Variants in MARCHF11 observed in about 807,000 individuals in gnomAD.
MARCHF11 encodes the protein E3 ubiquitin-protein ligase MARCHF11.
A neutral mutation model predicts 37.3 loss-of-function variants in MARCHF11; 29 were observed. The observed-to-expected ratio is 0.78, with a 90% confidence interval of 0.58 to 1.06. The LOEUF is 1.06. Ranked by LOEUF, MARCHF11 falls within the 50% of genes least tolerant of loss-of-function variation. The probability of loss-of-function intolerance (pLI) is 0.00; values close to 1 mark genes in which losing one functional copy is unlikely to be tolerated. For synonymous variants in MARCHF11, 233 were observed against 228.0 expected, an observed-to-expected ratio of 1.02 and a Z score of -0.20; for missense variants, 482 against 533.4, an observed-to-expected ratio of 0.90 and a Z score of 0.95.
At chr5:16,113,333 T>A (rs1012458491) in intron 2 of MARCHF11, among the ~76,000 whole-genome samples, 4 of 152,212 alleles carry the variant, frequency 2.6e-5, no homozygotes, top group Non-Finnish European at 4.4e-5. Context: ...TGTTCACTAT[T>A]TCAATAGTGT....
intron 2 of MARCHF11, among the ~76,000 whole-genome samples, chr5:16,173,861 A>G (rs138551568): frequency 8.7e-4 from 133 of 152,356 alleles, no homozygotes; most frequent in African/African-American, 2.9e-3. Context: ...TTCTCAAAAT[A>G]AGGTATAAGA....
At chr5:16,074,537 G>A (rs2126545054) in intron 3 of MARCHF11, among the ~76,000 whole-genome samples, 1 of 152,266 alleles carries the variant, frequency 6.6e-6, no homozygotes, top group East Asian at 1.9e-4. Context: ...TTCTACTGTT[G>A]ACTATAAATG....
At position 16,179,251 on chromosome 5, in the gene MARCHF11, G is replaced by A; in HGVS notation, c.325C>T (p.Leu109Phe). Residue 109 changes from leucine to phenylalanine, a missense_variant, in exon 1 of 4, where the codon CTC becomes TTC. Leu to Phe is a conservative substitution (Grantham distance 22). Transcript: ENST00000332432. Reference sequence around the variant, plus strand: ...CCTTTCGCTGCTGCCGCCTCCGGGAGGCGCCTCGGACCTTCCCCGGAGTCG... The same window carrying A: ...CCTTTCGCTGCTGCCGCCTCCGGGAAGCGCCTCGGACCTTCCCCGGAGTCG... ...AGDSGEGPRR[L>F]PEAAAAKGGP... The A allele has an allele frequency of 1.5e-6, 2 of 1,345,244 alleles. No individual in the cohort carries two copies. Among genetic ancestry groups the A allele is most frequent in the Non-Finnish European group, 1.9e-6 (2 of 1,047,580 alleles). 83.3% of individuals were successfully genotyped at this position (1,345,244 alleles called of 1,614,324 possible). A position where few individuals can be genotyped will look rare whatever the true frequency, so the allele number is the denominator to read the frequency against.
intron 3 of MARCHF11, among the ~76,000 whole-genome samples, chr5:16,088,611 T>C (rs866861613): frequency 6.6e-6 from 1 of 152,232 alleles, no homozygotes; most frequent in East Asian, 1.9e-4. Flanking sequence ...ATTGTTAGAC[T>C]AGGAGTATTT....
intron 2 of MARCHF11, among the ~76,000 whole-genome samples, chr5:16,162,651 T>G (rs959382836): frequency 6.6e-6 from 1 of 151,992 alleles, no homozygotes; most frequent in African/African-American, 2.4e-5. Flanking sequence ...GTTTGCAAGG[T>G]ATGAGCCTAA....
rs35858618 is a variant in MARCHF11, at chr5:16,104,914, A to AACACAC, written c.694-13839_694-13834dup. Among the ~76,000 whole-genome samples the AACACAC allele has an allele frequency of 5.3e-5, 8 of 149,658 alleles. No homozygotes were observed. The East Asian group carries it at 1.4e-3, about 26-fold the overall frequency. The stretch of plus-strand genomic sequence containing the variant: ...TAAGGTTATGGTAAGGACTAAAGGA[A>AACACAC]ACACACACACACACACACACACACA... On this transcript the variant is annotated intron_variant, in intron 2 of 3. Transcript: ENST00000332432.
At chr5:16,134,998 T>TCTCACACACACA (rs137865822) in intron 2 of MARCHF11, among the ~76,000 whole-genome samples, 129 of 143,800 alleles carry the variant, frequency 9.0e-4, no homozygotes, top group African/African-American at 2.9e-3. Flanking sequence ...TCTCTCTCTC[T>TCTCACACACACA]CACACACACA....
chr5:16,149,843 T>C (rs2126597095), intron 2 of MARCHF11, among the ~76,000 whole-genome samples: 1 of 152,204 alleles, frequency 6.6e-6, no homozygotes, highest in Admixed American at 6.5e-5. Context: ...AATGGAATAC[T>C]ACACAGCAAT....
At chr5:16,131,675 C>G (rs574380197) in intron 2 of MARCHF11, among the ~76,000 whole-genome samples, 1 of 152,152 alleles carries the variant, frequency 6.6e-6, no homozygotes, top group South Asian at 2.1e-4. Context: ...TCCTCTGATA[C>G]AATGACGAAG....
chr5:16,175,924 T>C (rs1273493145), intron 2 of MARCHF11, among the ~76,000 whole-genome samples: 1 of 152,200 alleles, frequency 6.6e-6, no homozygotes, highest in Non-Finnish European at 1.5e-5. Context: ...ATCCTAAATA[T>C]GCTAATAGTA....
intron 2 of MARCHF11, among the ~76,000 whole-genome samples, chr5:16,168,742 G>A (rs1396894045): frequency 6.6e-6 from 1 of 152,106 alleles, no homozygotes; most frequent in East Asian, 1.9e-4. Context: ...GTCAGATGAT[G>A]ATAGAAAAAG....
intron 2 of MARCHF11, among the ~76,000 whole-genome samples, chr5:16,110,608 G>A (rs958765825): frequency 6.6e-6 from 1 of 152,120 alleles, no homozygotes; most frequent in African/African-American, 2.4e-5. Context: ...TAGAGAAACT[G>A]AGGACAAAGG....
chr5:16,068,788 G>T (rs949427251), intron 3 of MARCHF11, among the ~76,000 whole-genome samples: 6 of 152,226 alleles, frequency 3.9e-5, no homozygotes, highest in Admixed American at 6.5e-5. Flanking sequence ...GGTCTCTCAG[G>T]TGAGGTGAAG....
intron 2 of MARCHF11, among the ~76,000 whole-genome samples, chr5:16,150,706 G>A (rs1477598200): frequency 1.3e-5 from 2 of 152,036 alleles, no homozygotes; most frequent in South Asian, 2.1e-4. Flanking sequence ...TCCCTATACC[G>A]AAGGCTTAGG....
At chr5:16,096,514 G>C (rs890091737) in intron 2 of MARCHF11, among the ~76,000 whole-genome samples, 1 of 152,200 alleles carries the variant, frequency 6.6e-6, no homozygotes, top group Non-Finnish European at 1.5e-5. Context: ...GGGTATCTTT[G>C]TGTGGGAGGT....
Position 16,085,319 on chromosome 5 carries a change from G to C in MARCHF11, c.886+5570C>G, listed in dbSNP as rs528686099. The stretch of plus-strand genomic sequence containing the variant: ...TCTTAGTGTTTACAGATTAGAGCTC[G>C]TCTATGTCCCTGCATGTCGCATCCC... On this transcript the variant is annotated intron_variant, in intron 3 of 3. Transcript: ENST00000332432. Among the ~76,000 whole-genome samples, 10 of 152,098 alleles carry C rather than the reference G, an allele frequency of 6.6e-5. No homozygotes were observed. The South Asian group carries it at 1.5e-3, about 22-fold the overall frequency.
intron 3 of MARCHF11, among the ~76,000 whole-genome samples, chr5:16,077,367 C>G (rs576155079): frequency 3.3e-5 from 5 of 151,438 alleles, no homozygotes; most frequent in African/African-American, 1.2e-4. Context: ...CAAAAAAAAA[C>G]GATTTTAATA....
At chr5:16,148,361 G>A (rs577980112) in intron 2 of MARCHF11, among the ~76,000 whole-genome samples, 1 of 152,136 alleles carries the variant, frequency 6.6e-6, no homozygotes, top group South Asian at 2.1e-4. Flanking sequence ...AAATTCAGTG[G>A]CTACATGGGA....
chr5:16,114,027 G>T (rs1030724953), intron 2 of MARCHF11, among the ~76,000 whole-genome samples: 2 of 151,044 alleles, frequency 1.3e-5, no homozygotes, highest in Non-Finnish European at 2.9e-5. Context: ...TCCCCCATAT[G>T]ATTGCGAAAA....
Sources: gnomAD v4.1 joint callset for allele counts (sites outside exome capture counted in the v4.1 genomes callset) on GRCh38, gnomAD v4.1.1 for gene constraint, MANE v1.5 for transcripts, NCBI Gene and HGNC (gene_info 2026-07-23, HGNC 2026-07-21) for gene names.